PPP1R1C: variants seen among roughly 807,000 people sequenced by gnomAD.
PPP1R1C encodes the protein protein phosphatase 1 regulatory subunit 1C.
Under a neutral mutation model 17.4 loss-of-function variants are expected in PPP1R1C, and 15 were observed. The observed-to-expected ratio is 0.86, with a 90% CI of 0.58 to 1.33. The LOEUF is 1.33. Among genes scored for constraint, PPP1R1C ranks in the 40% most tolerant of loss-of-function variants. The pLI, the probability that PPP1R1C is intolerant of heterozygous loss-of-function variation, is 0.00. For missense variants in PPP1R1C, 143 were observed against 130.0 expected (o/e 1.10, Z -0.48); for synonymous variants, 35 against 43.1 (o/e 0.81, Z 0.73).
intron 2 of PPP1R1C, among the ~76,000 whole-genome samples, chr2:182,060,924 C>T (rs16822460): frequency 8.5e-5 from 13 of 152,082 alleles, no homozygotes; most frequent in African/African-American, 3.1e-4. Context: ...TAAGAAGCCA[C>T]CCAAGCACTG....
chr2:182,099,117 A>C (rs1689027079), intron 4 of PPP1R1C, among the ~76,000 whole-genome samples: 1 of 152,194 alleles, frequency 6.6e-6, no homozygotes, highest in Admixed American at 6.5e-5. Context: ...CTAGATTTGA[A>C]TTCAGGAACT....
At chr2:182,087,124 C>T (rs1317680460) in intron 4 of PPP1R1C, among the ~76,000 whole-genome samples, 1 of 152,232 alleles carries the variant, frequency 6.6e-6, no homozygotes, top group Non-Finnish European at 1.5e-5. Flanking sequence ...CAGTTGTTAT[C>T]ATTGTTGTTT....
intron 4 of PPP1R1C, among the ~76,000 whole-genome samples, chr2:182,089,956 C>T (rs1157716577): frequency 2.0e-5 from 3 of 151,808 alleles, no homozygotes; most frequent in Admixed American, 6.6e-5. Context: ...TTTTTAAATG[C>T]TTATAATATA....
At chr2:182,126,855 T>A (rs1176554910) in intron 5 of PPP1R1C, among the ~76,000 whole-genome samples, 1 of 151,942 alleles carries the variant, frequency 6.6e-6, no homozygotes, top group Non-Finnish European at 1.5e-5. Context: ...GAGAGAAAAG[T>A]AGGTAAAGGA....
intron 2 of PPP1R1C, among the ~76,000 whole-genome samples, chr2:181,990,438 C>G (rs566167610): frequency 1.3e-5 from 2 of 152,060 alleles, no homozygotes; most frequent in African/African-American, 2.4e-5. Flanking sequence ...CCACAGCGCC[C>G]GGCCTCCAAG....
In PPP1R1C at chr2:182,002,931, C is replaced by A. The variant is rs1440162481; in HGVS notation, c.142+15032C>A. ...CCACCAAGAGTGATGCCATAAACCT[C>A]CCCCCCCCCACAACCCTGAAATCCC... On this transcript the variant is annotated intron_variant, in intron 2 of 4. Transcript: ENST00000682840. 2.9e-3 allele frequency among the ~76,000 whole-genome samples: 162 copies of A among 55,288 alleles called. 2 individuals carry two copies. Among genetic ancestry groups the A allele is most frequent in the African/African-American group, 0.017 (151 of 8,680 alleles). 36.3% of individuals were successfully genotyped at this position (55,288 alleles called of 152,430 possible). A position where few individuals can be genotyped will look rare whatever the true frequency, so the allele number is the denominator to read the frequency against.
intron 4 of PPP1R1C, among the ~76,000 whole-genome samples, chr2:182,088,551 G>A (rs1423982254): frequency 2.0e-5 from 3 of 152,152 alleles, no homozygotes; most frequent in African/African-American, 7.2e-5. Context: ...CAGTCAAGGC[G>A]ATGGGGACAT....
intron 2 of PPP1R1C, among the ~76,000 whole-genome samples, chr2:182,007,618 A>G (rs1291843532): frequency 6.6e-6 from 1 of 152,194 alleles, no homozygotes; most frequent in East Asian, 1.9e-4. Context: ...TAACCTTAGT[A>G]AGGCAATTTG....
In PPP1R1C at chr2:181,967,814, C is replaced by G. The variant is rs1684932613; in HGVS notation, n.112-7405C>G. ...CACTGCAACCTCCGCCTTCCAGGTT[C>G]AAGCAATTCTCCTGCCTCAGCCTCC... On this transcript the variant is annotated intron_variant and non_coding_transcript_variant, in intron 1 of 5. Transcript: ENST00000464264. This position sits in a 1 kb window ranked among gnomAD's most constrained non-coding sequence, Gnocchi z 5.5. Among the ~76,000 whole-genome samples, 2 of 152,196 alleles carry G rather than the reference C, an allele frequency of 1.3e-5. No individual in the cohort carries two copies. Among genetic ancestry groups the G allele is most frequent in the South Asian group, 4.1e-4 (2 of 4,836 alleles).
At chr2:182,074,093 G>A (rs1285701298) in intron 4 of PPP1R1C, among the ~76,000 whole-genome samples, 1 of 148,242 alleles carries the variant, frequency 6.7e-6, no homozygotes, top group Non-Finnish European at 1.5e-5. Context: ...CCAGGCTGGA[G>A]TGCAGTGGCG....
intron 1 of PPP1R1C, among the ~76,000 whole-genome samples, chr2:181,972,494 A>AC (rs1191649085): frequency 3.3e-5 from 5 of 151,078 alleles, no homozygotes; most frequent in Admixed American, 6.6e-5. Context: ...TTTTAATAGG[A>AC]CAAAAAAAAA....
chr2:181,986,360 T>C (rs1406082503), intron 1 of PPP1R1C, among the ~76,000 whole-genome samples, 169 bp downstream of exon 1: 1 of 152,300 alleles, frequency 6.6e-6, no homozygotes, highest in East Asian at 1.9e-4. Flanking sequence ...TTAAATTGCA[T>C]TGGGAGAACT....
At chr2:181,982,454 T>A (rs910411212), upstream of PPP1R1C, among the ~76,000 whole-genome samples, 4 of 152,198 alleles carry the variant, frequency 2.6e-5, no homozygotes, top group Admixed American at 2.0e-4. Context: ...ATCTTGCTTG[T>A]TATGTTTATG....
intron 1 of PPP1R1C, among the ~76,000 whole-genome samples, chr2:181,987,315 A>G (rs1453236293): frequency 2.6e-5 from 4 of 152,174 alleles, no homozygotes; most frequent in African/African-American, 4.8e-5. Context: ...CATAAGATCC[A>G]TATTTATTCT....
downstream of PPP1R1C, among the ~76,000 whole-genome samples, chr2:182,118,897 A>G (rs892219041): frequency 7.3e-6 from 1 of 136,874 alleles, no homozygotes; most frequent in African/African-American, 2.7e-5. Context: ...CCCTCCCATG[A>G]CTTTTTCTTT....
intron 2 of PPP1R1C, among the ~76,000 whole-genome samples, chr2:182,035,033 G>A (rs1686960196): frequency 6.6e-6 from 1 of 152,264 alleles, no homozygotes; most frequent in Non-Finnish European, 1.5e-5. Context: ...CCAATACCTA[G>A]CCCAGTGCCT....
intron 4 of PPP1R1C, among the ~76,000 whole-genome samples, chr2:182,073,920 C>T (rs563427975): frequency 1.3e-5 from 2 of 152,114 alleles, no homozygotes; most frequent in East Asian, 1.9e-4. Context: ...GATTGTATCC[C>T]GAGACAATAG....
At chr2:181,990,565 C>G (rs999250590) in intron 2 of PPP1R1C, among the ~76,000 whole-genome samples, 94 of 152,230 alleles carry the variant, frequency 6.2e-4, no homozygotes, top group African/African-American at 2.1e-3. Context: ...CAAAGTGCAA[C>G]AAAGATTAGG....
At chr2:182,053,719 C>T (rs1218865478) in intron 2 of PPP1R1C, among the ~76,000 whole-genome samples, 1 of 151,890 alleles carries the variant, frequency 6.6e-6, no homozygotes, top group South Asian at 2.1e-4. Context: ...CTTTTATCCT[C>T]TCATTCTAAA....
Sources: gnomAD v4.1 joint callset for allele counts (sites outside exome capture counted in the v4.1 genomes callset) on GRCh38, gnomAD v4.1.1 for gene constraint, Gnocchi (gnomAD v3.1) non-coding constraint, MANE v1.5 for transcripts, NCBI Gene and HGNC (gene_info 2026-07-23, HGNC 2026-07-21) for gene names.